Variants in SLC5A10 observed in about 807,000 individuals in gnomAD.
SLC5A10 encodes solute carrier family 5 member 10.
SLC5A10 carries 55 observed loss-of-function variants against 68.9 expected under a neutral mutation model. That is an observed-to-expected ratio of 0.80 (90% CI 0.64 to 1.00). SLC5A10 has a LOEUF of 1.00. Among genes scored for constraint, SLC5A10 ranks in the 50% least tolerant of loss-of-function variants. SLC5A10 has a pLI of 0.00. For synonymous variants in SLC5A10, 344 were observed against 344.8 expected, an observed-to-expected ratio of 1.00 and a Z score of 0.02; for missense variants, 732 against 819.3, an observed-to-expected ratio of 0.89 and a Z score of 1.30.
In SLC5A10 at chr17:19,017,000, C is replaced by T. The variant is rs975131988; in HGVS notation, c.1241+1801C>T. The stretch of plus-strand genomic sequence containing the variant: ...CCTGGCCTCCTCACCCAGACTCCCA[C>T]CTGCAACCAAAAGTCTTGACCTGGC... On this transcript the variant is annotated intron_variant, in intron 11 of 14. Coordinates refer to ENST00000395645, the MANE Select transcript of SLC5A10 (RefSeq NM_001042450.4). Among the ~76,000 whole-genome samples the T allele has an allele frequency of 2.6e-5, 4 of 152,202 alleles. No individual in the cohort carries two copies. The South Asian group carries it at 8.3e-4, about 32-fold the overall frequency.
At chr17:18,970,967 GC>G (rs2042826403) in intron 7 of SLC5A10, 45 bp from the exon 8 acceptor site, 1 of 1,586,958 alleles carries the variant, frequency 6.3e-7, no homozygotes, top group South Asian at 1.1e-5. Context: ...GGGAGTCAGG[GC>G]CCCGCAACCA....
intron 1 of SLC5A10, among the ~76,000 whole-genome samples, chr17:18,955,560 A>G (rs369829288): frequency 3.3e-5 from 5 of 152,250 alleles, no homozygotes; most frequent in African/African-American, 1.2e-4. Flanking sequence ...AATGCCCACT[A>G]TAGGCTTGAA....
At chr17:18,961,159 G>T (rs2042606865) in intron 5 of SLC5A10, among the ~76,000 whole-genome samples, 1 of 152,166 alleles carries the variant, frequency 6.6e-6, no homozygotes, top group African/African-American at 2.4e-5. Context: ...GAATGTCAGG[G>T]TCAGGAGAAG....
chr17:18,994,010 G>C (rs931111508), intron 9 of SLC5A10, among the ~76,000 whole-genome samples: 1 of 152,128 alleles, frequency 6.6e-6, no homozygotes, highest in Non-Finnish European at 1.5e-5. Context: ...GCTCCCTCTG[G>C]GGTGAACAGG....
chr17:18,975,034 A>T (rs1269412470), intron 8 of SLC5A10, among the ~76,000 whole-genome samples: 1 of 152,192 alleles, frequency 6.6e-6, no homozygotes, highest in Non-Finnish European at 1.5e-5. Context: ...GGGTGACAGC[A>T]CCTGTCCCAG....
chr17:18,979,853 G>T (rs1475841927), intron 9 of SLC5A10, among the ~76,000 whole-genome samples: 1 of 152,206 alleles, frequency 6.6e-6, no homozygotes, highest in Non-Finnish European at 1.5e-5. Context: ...CTCAGGGTAA[G>T]GAGGGAGCTG....
In SLC5A10 at chr17:19,021,986, C is replaced by A; in HGVS notation, c.*1555C>A. 3 of 1,581,094 alleles carry A rather than the reference C, an allele frequency of 1.9e-6. No individual in the cohort carries two copies. In the South Asian group the frequency reaches 3.5e-5, roughly 18 times the overall value. ...ACAGGTGCACGGGCTGCACGTAACTCCGTGGGAAGAAGCCAACGCGCCCGC... is the reference window on the plus strand; with the variant it reads ...ACAGGTGCACGGGCTGCACGTAACTACGTGGGAAGAAGCCAACGCGCCCGC... On this transcript the variant is annotated 3_prime_UTR_variant, in exon 15 of 15. Transcript: ENST00000395645. The surrounding 1 kb of genome is among the most constrained non-coding windows in gnomAD (Gnocchi z 4.1).
chr17:18,978,382 G>T, intron 9 of SLC5A10: 2 of 1,592,680 alleles, frequency 1.3e-6, no homozygotes, highest in Non-Finnish European at 8.5e-7. Flanking sequence ...TGATATTGAT[G>T]TAGCCCAGGA....
rs2042762048 is a variant in SLC5A10, at chr17:18,968,724, A to G, written c.454-328A>G. 1 of 303,140 alleles carries G rather than the reference A, an allele frequency of 3.3e-6. No individual in the cohort carries two copies. Among genetic ancestry groups the G allele is most frequent in the Admixed American group, 4.8e-5 (1 of 20,976 alleles). 18.8% of individuals were successfully genotyped at this position (303,140 alleles called of 1,614,324 possible). A position where few individuals can be genotyped will look rare whatever the true frequency, so the allele number is the denominator to read the frequency against. On this transcript the variant is annotated intron_variant, in intron 5 of 14. Transcript: ENST00000395645. This position sits in a 1 kb window ranked among gnomAD's most constrained non-coding sequence, Gnocchi z 4.1. ...CAAACTCATCAAGGTGCCCCTGGGAACCGAGGGGACAGGGCTCTGCCTTTT... is the reference window on the plus strand; with the variant it reads ...CAAACTCATCAAGGTGCCCCTGGGAGCCGAGGGGACAGGGCTCTGCCTTTT...
At chr17:18,959,713 G>T in intron 4 of SLC5A10, 50 bp downstream of exon 4, 2 of 1,578,204 alleles carry the variant, frequency 1.3e-6, no homozygotes, top group African/African-American at 2.7e-5. Context: ...CTTGGTCCAA[G>T]TTGGTGGTAG....
chr17:18,954,771 C>T (rs1364866857), intron 1 of SLC5A10, among the ~76,000 whole-genome samples: 6 of 152,140 alleles, frequency 3.9e-5, no homozygotes, highest in Admixed American at 3.3e-4. Flanking sequence ...CAAATGAGCT[C>T]TAAGAATATA....
rs1165227042 is a variant in SLC5A10 at position 19,022,539 on chromosome 17, G to A, written c.*2108G>A. 1 of 193,078 alleles carries A rather than the reference G, an allele frequency of 5.2e-6. No individual in the cohort carries two copies. Among genetic ancestry groups the A allele is most frequent in the Admixed American group, 6.1e-5 (1 of 16,354 alleles). The allele number at this position is 193,078 out of a possible 1,614,324, so 12.0% of individuals were successfully genotyped here. ...CCAGGCCACAAAGCCATGAGAATGG[G>A]CCTTATAAACTGTAAAGTGACGTGC... is the stretch of plus-strand genomic sequence containing the variant. On this transcript the variant is annotated 3_prime_UTR_variant, in exon 15 of 15. Transcript: ENST00000395645.
intron 9 of SLC5A10, among the ~76,000 whole-genome samples, chr17:19,011,815 C>T (rs1398517068): frequency 6.6e-6 from 1 of 151,136 alleles, no homozygotes; most frequent in Non-Finnish European, 1.5e-5. Flanking sequence ...GGGGGACTGC[C>T]AGGGTAGGGG....
Position 18,977,665 on chromosome 17 carries a change from T to C in SLC5A10, c.982+676T>C, listed in dbSNP as rs568000157. On this transcript the variant is annotated intron_variant, in intron 9 of 14. Coordinates refer to ENST00000395645, the MANE Select transcript of SLC5A10 (RefSeq NM_001042450.4). ...CTTCTCTTCCCCGACTCTGGGCCCA[T>C]GGGGAGCCACCCTGGGGTCCAACAA... 2.3e-5 allele frequency: 37 copies of C among 1,610,264 alleles called. No homozygotes were observed. The African/African-American group carries it at 4.5e-4, about 20-fold the overall frequency.
rs1216858292 is a variant in SLC5A10, at chr17:19,020,503, G to GA, written c.*73dup. ...CACCCATTTCCCTCATGGGGATCCCGAGGCCCCAAGAGGGGCAGATTCCCC... is the reference window on the plus strand; with the variant it reads ...CACCCATTTCCCTCATGGGGATCCCGAAGGCCCCAAGAGGGGCAGATTCCCC... On this transcript the variant is annotated 3_prime_UTR_variant, in exon 15 of 15. Coordinates refer to ENST00000395645, the MANE Select transcript of SLC5A10 (RefSeq NM_001042450.4). 1.9e-5 allele frequency: 27 copies of GA among 1,431,146 alleles called. No homozygotes were observed. The highest frequency in any genetic ancestry group is 2.5e-5 in the Non-Finnish European group (26 of 1,031,434). The allele number at this position is 1,431,146 out of a possible 1,614,324, so 88.7% of individuals were successfully genotyped here.
chr17:18,961,839 C>T (rs141661152), intron 5 of SLC5A10, among the ~76,000 whole-genome samples: 1 of 152,292 alleles, frequency 6.6e-6, no homozygotes, highest in East Asian at 1.9e-4. Flanking sequence ...CCTCTATCTG[C>T]ACTGGTGTTG....
chr17:18,969,107 A>G lies in SLC5A10; in HGVS notation c.509A>G (p.Tyr170Cys), dbSNP rs2151999439. The change falls in exon 6 of 15, where the codon TAC (tyrosine) becomes TGC (cysteine). Residue 170 changes from tyrosine (Y) to cysteine (C), a missense_variant. Physicochemically the swap from Tyr to Cys is radical, Grantham distance 194. Coordinates refer to ENST00000395645, the MANE Select transcript of SLC5A10 (RefSeq NM_001042450.4). ...FVHICLGWNF[Y>C]LSTILTLGIT... ...CACATCTGCCTGGGCTGGAACTTCT[A>G]CCTCTCCACCATCCTCACGCTCGGC... 6.2e-7 allele frequency: 1 copy of G among 1,613,880 alleles called. No homozygotes were observed. The highest frequency in any genetic ancestry group is 8.5e-7 in the Non-Finnish European group (1 of 1,179,934).
chr17:19,004,516 A>G lies in SLC5A10; in HGVS notation c.983-8894A>G, dbSNP rs1435930833. 6.6e-6 allele frequency among the ~76,000 whole-genome samples: 1 copy of G among 152,152 alleles called. No individual in the cohort carries two copies. The highest frequency in any genetic ancestry group is 1.5e-5 in the Non-Finnish European group (1 of 67,988). ...TTAGAGTGGGAGGCGGCCCCGGCAC[A>G]GAGGCGCCCCGCAAACCGAGGGCTT... On this transcript the variant is annotated intron_variant, in intron 9 of 14. Transcript: ENST00000395645. This position sits in a 1 kb window ranked among gnomAD's most constrained non-coding sequence, Gnocchi z 5.4.
chr17:19,019,989 C>T (rs1016889207), intron 13 of SLC5A10, 61 bp downstream of exon 13: 54 of 1,504,600 alleles, frequency 3.6e-5, no homozygotes, highest in Non-Finnish European at 4.7e-5. Flanking sequence ...GTCCCATTCT[C>T]ATCCCCGACC....
Sources: gnomAD v4.1 joint callset for allele counts (sites outside exome capture counted in the v4.1 genomes callset) on GRCh38, gnomAD v4.1.1 for gene constraint, Gnocchi (gnomAD v3.1) non-coding constraint, MANE v1.5 for transcripts, NCBI Gene and HGNC (gene_info 2026-07-23, HGNC 2026-07-21) for gene names.